Variants in ABLIM1 observed in about 807,000 individuals in gnomAD.
ABLIM1 encodes the protein actin-binding LIM protein 1.
In ABLIM1, 40 loss-of-function variants were observed where a neutral mutation model predicts 107.0. That is an observed-to-expected ratio of 0.37 (90% CI 0.29 to 0.49). The LOEUF (loss-of-function observed/expected upper bound fraction) is 0.49. Ranked by LOEUF, ABLIM1 falls within the 20% of genes least tolerant of loss-of-function variation. The pLI is 0.97. For synonymous variants in ABLIM1, 357 were observed against 357.3 expected, an observed-to-expected ratio of 1.00 and a Z score of 0.01; for missense variants, 857 against 1,008.5, an observed-to-expected ratio of 0.85 and a Z score of 2.04.
In ABLIM1 at chr10:114,767,140, T is replaced by A. The variant is rs373176960; in HGVS notation, c.-213+921A>T. 8.3e-3 allele frequency among the ~76,000 whole-genome samples: 1,268 copies of A among 151,896 alleles called. 12 individuals carry two copies. The highest frequency in any genetic ancestry group is 0.022 in the African/African-American group (892 of 41,454). On this transcript the variant is annotated intron_variant, in intron 1 of 15. Coordinates refer to the ABLIM1 transcript ENST00000651092. ...CAGCGCTTAATTATCCAACACGTTA[T>A]CAAATTCCTAAACTCCTTCCAAAAA...
intron 6 of ABLIM1, among the ~76,000 whole-genome samples, chr10:114,526,251 T>C (rs571498601): frequency 6.6e-6 from 1 of 152,238 alleles, no homozygotes; most frequent in East Asian, 1.9e-4. Context: ...AGGACTCAAA[T>C]GTAAATTTCA....
chr10:114,584,520 G>T (rs534387922), intron 2 of ABLIM1, among the ~76,000 whole-genome samples: 11 of 152,056 alleles, frequency 7.2e-5, no homozygotes, highest in African/African-American at 2.2e-4. Flanking sequence ...TACCACACAC[G>T]GCAGCTCAAA....
At chr10:114,567,224 G>T (rs1298244303) in intron 4 of ABLIM1, among the ~76,000 whole-genome samples, 1 of 152,200 alleles carries the variant, frequency 6.6e-6, no homozygotes, top group Non-Finnish European at 1.5e-5. Flanking sequence ...ATCAGAGAGT[G>T]ATACCTACAT....
intron 11 of ABLIM1, among the ~76,000 whole-genome samples, chr10:114,467,873 C>T (rs11196751): frequency 1.5e-4 from 23 of 152,146 alleles, no homozygotes; most frequent in Admixed American, 7.9e-4. Context: ...ATTATAGATG[C>T]GGACAAAGAG....
At chr10:114,718,401 C>G (rs1227438355) in intron 1 of ABLIM1, among the ~76,000 whole-genome samples, 1 of 152,188 alleles carries the variant, frequency 6.6e-6, no homozygotes. Flanking sequence ...TAAACACCTT[C>G]CTAATCACCT....
chr10:114,447,050 G>A (rs1398444814), intron 15 of ABLIM1, among the ~76,000 whole-genome samples: 1 of 152,186 alleles, frequency 6.6e-6, no homozygotes, highest in Non-Finnish European at 1.5e-5. Context: ...ATAGCACAAT[G>A]AAGATTAGGA....
At chr10:114,772,269 T>C (rs2083033193), upstream of ABLIM1, among the ~76,000 whole-genome samples, 1 of 152,134 alleles carries the variant, frequency 6.6e-6, no homozygotes, top group African/African-American at 2.4e-5. Flanking sequence ...TATCCCTGGC[T>C]CCCGAGAGAA....
chr10:114,799,132 G>A, the ABLIM1 span, among the ~76,000 whole-genome samples: 2 of 152,108 alleles, frequency 1.3e-5, no homozygotes, highest in Admixed American at 6.5e-5. Context: ...AAATAGGCTC[G>A]GCACTAGCAA....
At chr10:114,585,703 TCTTTTTACCA>T (rs2074111045) in intron 2 of ABLIM1, among the ~76,000 whole-genome samples, 1 of 152,140 alleles carries the variant, frequency 6.6e-6, no homozygotes, top group African/African-American at 2.4e-5. Flanking sequence ...CCACTGACAT[TCTTTTTACCA>T]CTATGGTGAT....
upstream of ABLIM1, among the ~76,000 whole-genome samples, chr10:114,689,074 G>A (rs1372901973): frequency 1.3e-5 from 2 of 152,176 alleles, no homozygotes; most frequent in African/African-American, 2.4e-5. Context: ...CTGTCTCTAC[G>A]GAGGCTGCAG....
At chr10:114,612,366 T>C (rs1309073952) in intron 1 of ABLIM1, among the ~76,000 whole-genome samples, 1 of 152,196 alleles carries the variant, frequency 6.6e-6, no homozygotes, top group South Asian at 2.1e-4. Flanking sequence ...CCTTACCAGA[T>C]ACAAATGTCT....
intron 1 of ABLIM1, among the ~76,000 whole-genome samples, chr10:114,746,701 C>T (rs993575063): frequency 6.6e-6 from 1 of 152,206 alleles, no homozygotes; most frequent in African/African-American, 2.4e-5. Flanking sequence ...AGGGTTTTCA[C>T]CACATCCTCA....
intron 1 of ABLIM1, among the ~76,000 whole-genome samples, chr10:114,612,630 G>A (rs112496848): frequency 0.011 from 1,604 of 152,266 alleles, 24 homozygotes; most frequent in African/African-American, 0.037. Flanking sequence ...AGGTCACCCA[G>A]GGATCTCAAA....
At chr10:114,730,397 CAAAAAAAAAAA>C (rs59713925) in intron 1 of ABLIM1, among the ~76,000 whole-genome samples, 3,369 of 73,184 alleles carry the variant, frequency 0.046, 61 homozygotes, top group Middle Eastern at 0.21. Flanking sequence ...AACTCCATCT[CAAAAAAAAAAA>C]AAAAAAAAAA....
chr10:114,580,457 C>T (rs1210463295), intron 2 of ABLIM1, among the ~76,000 whole-genome samples: 1 of 152,132 alleles, frequency 6.6e-6, no homozygotes, highest in Non-Finnish European at 1.5e-5. Flanking sequence ...AAGTGATCTT[C>T]CTGCCTTGGC....
the ABLIM1 span, among the ~76,000 whole-genome samples, chr10:114,799,757 C>T: frequency 6.6e-6 from 1 of 152,148 alleles, no homozygotes; most frequent in Non-Finnish European, 1.5e-5. Context: ...AGTCTATTTG[C>T]CACATGGCAT....
At chr10:114,659,848 T>G (rs552776316), upstream of ABLIM1, among the ~76,000 whole-genome samples, 1 of 152,328 alleles carries the variant, frequency 6.6e-6, no homozygotes, top group Admixed American at 6.5e-5. Context: ...CCGGGTCTTC[T>G]GCCTCCCATG....
At chr10:114,481,351 A>G (rs1170186872) in intron 8 of ABLIM1, among the ~76,000 whole-genome samples, 1 of 151,234 alleles carries the variant, frequency 6.6e-6, no homozygotes, top group Non-Finnish European at 1.5e-5. Context: ...ATCCAAAGCC[A>G]TGCTCTAAGG....
the ABLIM1 span, among the ~76,000 whole-genome samples, chr10:114,780,414 T>C: frequency 6.6e-6 from 1 of 152,182 alleles, no homozygotes; most frequent in African/African-American, 2.4e-5. Context: ...TTTGGCTTTA[T>C]AGACAAAAAG....
Sources: gnomAD v4.1 joint callset for allele counts (sites outside exome capture counted in the v4.1 genomes callset) on GRCh38, gnomAD v4.1.1 for gene constraint, MANE v1.5 for transcripts, NCBI Gene and HGNC (gene_info 2026-07-23, HGNC 2026-07-21) for gene names.